The following ADGRG6 variants were observed in gnomAD, a reference collection of about 807,000 sequenced individuals.
ADGRG6 encodes the protein adhesion G protein-coupled receptor G6, also known as G-protein coupled receptor 126.
A neutral mutation model predicts 142.4 loss-of-function variants in ADGRG6; 84 were observed. That is an observed-to-expected ratio of 0.59 (90% CI 0.49 to 0.71). ADGRG6 has a LOEUF of 0.71. ADGRG6 is among the 30% of genes least tolerant of loss of function. The pLI is 0.00. For synonymous variants in ADGRG6, 521 were observed against 520.5 expected, an observed-to-expected ratio of 1.00 and a Z score of -0.01; for missense variants, 1,367 against 1,466.6, an observed-to-expected ratio of 0.93 and a Z score of 1.11.
intron 22 of ADGRG6, among the ~76,000 whole-genome samples, chr6:142,429,660 T>C (rs1398004487): frequency 1.3e-5 from 2 of 152,198 alleles, no homozygotes; most frequent in African/African-American, 4.8e-5. Context: ...AGAGGTCATC[T>C]AGACTAATTT....
intron 2 of ADGRG6, among the ~76,000 whole-genome samples, 171 bp from the exon 3 acceptor site, chr6:142,367,398 A>C (rs912837524): frequency 1.3e-5 from 2 of 152,024 alleles, no homozygotes; most frequent in Admixed American, 1.3e-4. Context: ...TGCTCTATTG[A>C]TAATTCTTTT....
intron 20 of ADGRG6, among the ~76,000 whole-genome samples, chr6:142,416,578 T>C (rs1776369090): frequency 6.6e-6 from 1 of 152,184 alleles, no homozygotes; most frequent in Admixed American, 6.5e-5. Context: ...TTAACCTGTT[T>C]GAGATCTTCT....
At chr6:142,405,306 T>C (rs754945402) in intron 14 of ADGRG6, 1 of 457,104 alleles carries the variant, frequency 2.2e-6, no homozygotes, top group South Asian at 1.6e-5. Flanking sequence ...CTTCAGTCTC[T>C]TTCTCTTTCT....
At chr6:142,379,732 AC>A (rs1781670736) in intron 4 of ADGRG6, among the ~76,000 whole-genome samples, 1 of 152,176 alleles carries the variant, frequency 6.6e-6, no homozygotes, top group Admixed American at 6.5e-5. Context: ...ATGCCACTGC[AC>A]CCCAGCCTGG....
chr6:142,348,165 G>T (rs777118946), intron 2 of ADGRG6, among the ~76,000 whole-genome samples: 1 of 151,982 alleles, frequency 6.6e-6, no homozygotes, highest in Non-Finnish European at 1.5e-5. Context: ...TCATCATACC[G>T]CCCGCTTACC....
chr6:142,338,814 C>T (rs1205903977), intron 2 of ADGRG6, among the ~76,000 whole-genome samples: 2 of 152,012 alleles, frequency 1.3e-5, no homozygotes, highest in Non-Finnish European at 2.9e-5. Flanking sequence ...GCCTATATGT[C>T]TTCTAGTCAT....
At chr6:142,412,959 T>G (rs1033573761) in intron 18 of ADGRG6, among the ~76,000 whole-genome samples, 1 of 152,090 alleles carries the variant, frequency 6.6e-6, no homozygotes, top group African/African-American at 2.4e-5. Context: ...CCTTCATATA[T>G]TGTCTAAATT....
At chr6:142,396,154 G>C (rs75231447) in intron 9 of ADGRG6, among the ~76,000 whole-genome samples, 3,356 of 152,264 alleles carry the variant, frequency 0.022, 113 homozygotes, top group African/African-American at 0.075. Context: ...TTCAAGACAA[G>C]TAAAAGGTCA....
At chr6:142,302,656 G>A (rs1777286604) in intron 1 of ADGRG6, 1 of 372,998 alleles carries the variant, frequency 2.7e-6, no homozygotes, top group South Asian at 7.7e-5. Flanking sequence ...ATTAAACAAG[G>A]AGTAACAGGC....
chr6:142,367,547 C>G (rs1199441545), intron 2 of ADGRG6, 22 bp from the exon 3 acceptor site: 1 of 1,595,862 alleles, frequency 6.3e-7, no homozygotes, highest in Non-Finnish European at 8.6e-7. Flanking sequence ...TTCTCTCTGT[C>G]TCTCTTTTGT....
At chr6:142,404,337 A>G (rs1775688765) in intron 14 of ADGRG6, 1 of 223,822 alleles carries the variant, frequency 4.5e-6, no homozygotes, top group Non-Finnish European at 8.7e-6. Flanking sequence ...TCTCAAACTG[A>G]ACATTAGAAT....
At chr6:142,432,688 A>T (rs147879988) in intron 22 of ADGRG6, among the ~76,000 whole-genome samples, 2,436 of 152,248 alleles carry the variant, frequency 0.016, 61 homozygotes, top group African/African-American at 0.05. Flanking sequence ...CAATCTAAAA[A>T]ATTGTTTTAT....
intron 7 of ADGRG6, 138 bp from the exon 8 acceptor site, chr6:142,392,810 T>C: frequency 1.6e-6 from 1 of 628,998 alleles, no homozygotes; most frequent in East Asian, 2.7e-5. Flanking sequence ...AATGATCCAT[T>C]AACTGTTCAC....
chr6:142,405,677 G>T lies in ADGRG6; in HGVS notation c.2128-11G>T. ...GATTACTTGACCAATATATCTGTGT[G>T]TGTGTGACAGATGGATTTTGAGAGT... On this transcript the variant is annotated splice_polypyrimidine_tract_variant and intron_variant, in intron 14 of 24. Transcript: ENST00000367609. The T allele has an allele frequency of 6.3e-7, 1 of 1,595,158 alleles. No individual in the cohort carries two copies. Among genetic ancestry groups the T allele is most frequent in the Non-Finnish European group, 8.6e-7 (1 of 1,163,870 alleles).
chr6:142,404,468 T>A (rs1387444681), intron 14 of ADGRG6, among the ~76,000 whole-genome samples: 2 of 151,788 alleles, frequency 1.3e-5, no homozygotes, highest in African/African-American at 4.8e-5. Context: ...TGGTAAACCC[T>A]GTTTCTACTA....
At chr6:142,415,526 G>A (rs1458700760) in intron 19 of ADGRG6, among the ~76,000 whole-genome samples, 1 of 151,638 alleles carries the variant, frequency 6.6e-6, no homozygotes, top group Non-Finnish European at 1.5e-5. Context: ...AATTTTTCCT[G>A]GGTTAAAAAA....
intron 2 of ADGRG6, among the ~76,000 whole-genome samples, chr6:142,343,357 T>C (rs1477416745): frequency 6.6e-6 from 1 of 151,622 alleles, no homozygotes; most frequent in Non-Finnish European, 1.5e-5. Context: ...AAATTCTACT[T>C]TTTACAATAA....
intron 2 of ADGRG6, among the ~76,000 whole-genome samples, chr6:142,325,722 G>A (rs1778742702): frequency 6.6e-6 from 1 of 151,888 alleles, no homozygotes; most frequent in East Asian, 1.9e-4. Context: ...TATCTGATAT[G>A]CTTCCATTTA....
Position 142,302,251 on chromosome 6 carries a change from T to TGGAGC in ADGRG6, c.-78_-74dup. ...CTGGGGCGCCTGGGTTCCCCCTGGG[T>TGGAGC]GGAGCAGCGGCAGCAGAGCGGGAAA... On this transcript the variant is annotated 5_prime_UTR_variant, in exon 1 of 25. Coordinates refer to ENST00000367609, the MANE Select transcript of ADGRG6 (RefSeq NM_198569.3). 1 of 1,561,952 alleles carries TGGAGC rather than the reference T, an allele frequency of 6.4e-7. No homozygotes were observed. The highest frequency in any genetic ancestry group is 1.4e-5 in the African/African-American group (1 of 74,014).
Sources: gnomAD v4.1 joint callset for allele counts (sites outside exome capture counted in the v4.1 genomes callset) on GRCh38, gnomAD v4.1.1 for gene constraint, MANE v1.5 for transcripts, NCBI Gene and HGNC (gene_info 2026-07-23, HGNC 2026-07-21) for gene names.